PNKD: variants seen among roughly 807,000 people sequenced by gnomAD.
The protein encoded by PNKD is probable thioesterase PNKD.
A neutral mutation model predicts 45.3 loss-of-function variants in PNKD; 36 were observed. The observed-to-expected ratio is 0.80, with a 90% CI of 0.61 to 1.05. The LOEUF is 1.05. PNKD is among the 50% of genes least tolerant of loss of function. PNKD has a pLI of 0.00. For missense variants in PNKD, 511 were observed against 506.6 expected, an observed-to-expected ratio of 1.01 and a Z score of -0.08; for synonymous variants, 197 against 210.1, an observed-to-expected ratio of 0.94 and a Z score of 0.54.
chr2:218,329,353 G>C (rs1456147349), intron 2 of PNKD, among the ~76,000 whole-genome samples: 1 of 152,232 alleles, frequency 6.6e-6, no homozygotes, highest in South Asian at 2.1e-4. Context: ...TGCGATGAGC[G>C]AGGAGAGAAG....
chr2:218,290,539 T>G (rs1438601978), intron 2 of PNKD, among the ~76,000 whole-genome samples: 1 of 152,204 alleles, frequency 6.6e-6, no homozygotes, highest in Non-Finnish European at 1.5e-5. Context: ...GGTCCTCCCC[T>G]TCCCCCATTC....
intron 2 of PNKD, among the ~76,000 whole-genome samples, chr2:218,320,730 G>C (rs1454912670): frequency 6.6e-6 from 1 of 152,250 alleles, no homozygotes; most frequent in Non-Finnish European, 1.5e-5. Flanking sequence ...ACTCCACGCA[G>C]AAGGCACAGT....
At chr2:218,272,142 TC>T (rs770353387) in intron 2 of PNKD, among the ~76,000 whole-genome samples, 74 of 149,772 alleles carry the variant, frequency 4.9e-4, no homozygotes, top group Middle Eastern at 3.4e-3. Context: ...CCAAAGTGCC[TC>T]CCAAGCAGTG....
At position 218,340,148 on chromosome 2, in the gene PNKD, G is replaced by T; in HGVS notation, c.465+7G>T. ...AGACCCTCGGGCTGTGCAGGTGAGG[G>T]GAGGGCAGGGAGCAGGGGGTGCCTG... On this transcript the variant is annotated splice_region_variant and intron_variant, in intron 4 of 9. Transcript: ENST00000273077. This position sits in a 1 kb window ranked among gnomAD's most constrained non-coding sequence, Gnocchi z 4.2. 6.4e-7 allele frequency: 1 copy of T among 1,573,896 alleles called. No individual in the cohort carries two copies. Among genetic ancestry groups the T allele is most frequent in the South Asian group, 1.1e-5 (1 of 90,312 alleles).
chr2:218,345,193 G>C lies in PNKD; in HGVS notation c.*212G>C, dbSNP rs989494170. 1.5e-5 allele frequency: 9 copies of C among 583,398 alleles called. No homozygotes were observed. The highest frequency in any genetic ancestry group is 2.8e-5 in the East Asian group (1 of 35,382). 36.1% of individuals were successfully genotyped at this position (583,398 alleles called of 1,614,324 possible). ...TGTTGGAGGCTGGGAACCCCGCAGC[G>C]CGAGGCTGCCTCATCAACGGCAAGA... On this transcript the variant is annotated 3_prime_UTR_variant, in exon 10 of 10. Transcript: ENST00000273077.
intron 2 of PNKD, among the ~76,000 whole-genome samples, chr2:218,318,955 T>TC (rs371999247): frequency 0.048 from 6,125 of 127,270 alleles, 495 homozygotes; most frequent in African/African-American, 0.16. Context: ...TTTTTCTTTT[T>TC]TTTTTTTTTT....
At chr2:218,309,979 T>C (rs1051382554) in intron 2 of PNKD, among the ~76,000 whole-genome samples, 21 of 151,572 alleles carry the variant, frequency 1.4e-4, no homozygotes, top group Admixed American at 1.3e-4. Flanking sequence ...TGGCTTACAT[T>C]ATAAGCAACA....
At chr2:218,280,328 A>G in intron 2 of PNKD, 1 of 534,840 alleles carries the variant, frequency 1.9e-6, no homozygotes. Flanking sequence ...CTTAGGTGGG[A>G]AACGTTCCTC....
rs386392656 is a variant in PNKD, at chr2:218,314,222, CTT to C, written c.237-25541_237-25540del. ...ACAGGCGTGAGCCACCGCGCCCTGG[CTT>C]TTTTTTTTTTTTTTTTTTTGAGACA... On this transcript the variant is annotated intron_variant, in intron 2 of 9. Coordinates refer to ENST00000273077, the MANE Select transcript of PNKD (RefSeq NM_015488.5). 1.1e-3 allele frequency among the ~76,000 whole-genome samples: 76 copies of C among 67,712 alleles called. 1 individual carries two copies. The East Asian group carries it at 0.015, about 13-fold the overall frequency. 44.4% of individuals were successfully genotyped at this position (67,712 alleles called of 152,430 possible).
intron 2 of PNKD, among the ~76,000 whole-genome samples, chr2:218,325,010 T>C (rs1405602698): frequency 5.1e-5 from 6 of 116,724 alleles, no homozygotes; most frequent in Admixed American, 3.2e-4. Context: ...TTTTTTTTTT[T>C]TTTTTTTTTT....
At chr2:218,315,125 CTTT>C (rs1439203948) in intron 2 of PNKD, among the ~76,000 whole-genome samples, 1,211 of 118,830 alleles carry the variant, frequency 0.01, 17 homozygotes, top group African/African-American at 0.038. Flanking sequence ...TCCTTCCTTT[CTTT>C]CTTTCTTTCT....
intron 2 of PNKD, among the ~76,000 whole-genome samples, chr2:218,288,851 T>C (rs1391229924): frequency 1.3e-5 from 2 of 152,154 alleles, no homozygotes; most frequent in Non-Finnish European, 2.9e-5. Context: ...TGGTCCCATT[T>C]TGGATAAGAG....
chr2:218,343,801 C>T (rs1694751175), intron 8 of PNKD, among the ~76,000 whole-genome samples: 1 of 152,208 alleles, frequency 6.6e-6, no homozygotes, highest in African/African-American at 2.4e-5. Flanking sequence ...ACTACCTTCC[C>T]CTGCCAGTCA....
rs143162613 is a variant in PNKD, at chr2:218,341,566, G to A, written c.557G>A (p.Arg186Gln). 13 of 1,602,404 alleles carry A rather than the reference G, an allele frequency of 8.1e-6. No homozygotes were observed. The highest frequency in any genetic ancestry group is 3.4e-5 in the Admixed American group (2 of 59,060). Residue 186 changes from arginine (R) to glutamine (Q), a missense_variant, in exon 6 of 10, where the codon CGG becomes CAG. Physicochemically the swap from Arg to Gln is conservative, Grantham distance 43. Coordinates refer to ENST00000273077, the MANE Select transcript of PNKD (RefSeq NM_015488.5). ...AGTGGAGGGAACCGTGACCTCAGCC[G>A]GCGGCACCGGGACTGTCGGGTGTAC... Reference protein sequence around the residue: ...DHSGGNRDLSRRHRDCRVYGS... With the variant: ...DHSGGNRDLSQRHRDCRVYGS...
chr2:218,302,297 G>C (rs914042261), intron 2 of PNKD, among the ~76,000 whole-genome samples: 6 of 152,120 alleles, frequency 3.9e-5, no homozygotes, highest in African/African-American at 1.4e-4. Flanking sequence ...GCAGTGAGCT[G>C]AGATAGCGCC....
chr2:218,271,689 CAG>C, intron 2 of PNKD, 140 bp downstream of exon 2: 2 of 724,564 alleles, frequency 2.8e-6, no homozygotes, highest in African/African-American at 1.8e-5. Flanking sequence ...ATTGGAATCT[CAG>C]AGGGGTGGGG....
chr2:218,311,726 AAG>A (rs1693621114), intron 2 of PNKD, among the ~76,000 whole-genome samples: 2 of 152,106 alleles, frequency 1.3e-5, no homozygotes. Context: ...ATTCCCAGGG[AAG>A]AGCAGGAGAC....
chr2:218,324,020 A>C (rs1694070572), intron 2 of PNKD, among the ~76,000 whole-genome samples: 1 of 152,140 alleles, frequency 6.6e-6, no homozygotes, highest in Non-Finnish European at 1.5e-5. Context: ...GCCCGTGTGG[A>C]AGCCCCAGGC....
At position 218,303,863 on chromosome 2, in the gene PNKD, C is replaced by T. The variant is rs563142304; in HGVS notation, c.236+32314C>T. Among the ~76,000 whole-genome samples, 77 of 151,908 alleles carry T rather than the reference C, an allele frequency of 5.1e-4. No individual in the cohort carries two copies. In the South Asian group the frequency reaches 0.013, roughly 26 times the overall value. ...TGCTGGGATTACAGGTGTGAGCCAC[C>T]ACGCCCGGCCAGACCCGCACTTCTT... On this transcript the variant is annotated intron_variant, in intron 2 of 9. Transcript: ENST00000273077.
Sources: gnomAD v4.1 joint callset for allele counts (sites outside exome capture counted in the v4.1 genomes callset) on GRCh38, gnomAD v4.1.1 for gene constraint, Gnocchi (gnomAD v3.1) non-coding constraint, MANE v1.5 for transcripts, NCBI Gene and HGNC (gene_info 2026-07-23, HGNC 2026-07-21) for gene names.